IL1RAPL1: variants seen among roughly 807,000 people sequenced by gnomAD.
The protein encoded by IL1RAPL1 is interleukin-1 receptor accessory protein-like 1.
IL1RAPL1 carries 3 observed loss-of-function variants against 48.4 expected under a neutral mutation model. The observed-to-expected ratio is 0.06, with a 90% CI of 0.03 to 0.16. The LOEUF is 0.16. IL1RAPL1 is among the 10% of genes least tolerant of loss of function. IL1RAPL1 has a pLI of 1.00. For synonymous variants in IL1RAPL1, 185 were observed against 187.7 expected, an observed-to-expected ratio of 0.99 and a Z score of 0.12; for missense variants, 349 against 530.6, an observed-to-expected ratio of 0.66 and a Z score of 3.36.
intron 6 of IL1RAPL1, among the ~76,000 whole-genome samples, chrX:29,837,272 AATATAT>A (rs1229668903): frequency 1.2e-4 from 9 of 72,114 alleles, no homozygotes; most frequent in African/African-American, 4.7e-4. Context: ...AAAAAAAAAA[AATATAT>A]ATATATATAT....
rs949422463 is a variant in IL1RAPL1, at chrX:29,258,599, T to G, written c.83-24339T>G. On this transcript the variant is annotated intron_variant, in intron 2 of 10. Coordinates refer to ENST00000378993, the MANE Select transcript of IL1RAPL1 (RefSeq NM_014271.4). ...TAATAAAGCCAAAGTTATTATTTAGTTTTTTTTTTTTAGAAATTAAGTTGC... is the reference window on the plus strand; with the variant it reads ...TAATAAAGCCAAAGTTATTATTTAGGTTTTTTTTTTTAGAAATTAAGTTGC... Among the ~76,000 whole-genome samples the G allele has an allele frequency of 8.7e-5, 9 of 102,945 alleles. No homozygotes were observed. The Admixed American group carries it at 9.4e-4, about 11-fold the overall frequency. The allele number at this position is 102,945 out of a possible 115,157, so 89.4% of individuals were successfully genotyped here.
chrX:28,891,349 C>A (rs1922765861), intron 2 of IL1RAPL1, among the ~76,000 whole-genome samples: 1 of 111,835 alleles, frequency 8.9e-6, no homozygotes, highest in African/African-American at 3.2e-5. Context: ...GCTACTGACC[C>A]ATTTAAATTG....
intron 6 of IL1RAPL1, among the ~76,000 whole-genome samples, chrX:29,671,425 C>A (rs1204285422): frequency 4.5e-5 from 5 of 111,974 alleles, no homozygotes; most frequent in South Asian, 7.4e-4. Context: ...AAACTAAATT[C>A]ATATAAAATA....
chrX:29,006,516 A>G (rs1433919345), intron 2 of IL1RAPL1, among the ~76,000 whole-genome samples: 6 of 96,771 alleles, frequency 6.2e-5, no homozygotes, highest in Non-Finnish European at 1.0e-4. Flanking sequence ...CGCCGTCTGG[A>G]AAAAAAAAAA....
chrX:28,867,951 C>G (rs565107920), intron 2 of IL1RAPL1, among the ~76,000 whole-genome samples: 3 of 111,741 alleles, frequency 2.7e-5, no homozygotes, highest in Admixed American at 9.6e-5. Context: ...AAATCTTACA[C>G]TTGTCAGATA....
chrX:29,257,041 G>A (rs1295766878), intron 2 of IL1RAPL1, among the ~76,000 whole-genome samples: 1 of 111,358 alleles, frequency 9.0e-6, no homozygotes, highest in East Asian at 2.8e-4. Flanking sequence ...TTAATTGGAC[G>A]AAATATGAAA....
intron 6 of IL1RAPL1, among the ~76,000 whole-genome samples, chrX:29,776,816 TACTC>T (rs749978210): frequency 8.9e-6 from 1 of 112,006 alleles, no homozygotes. Flanking sequence ...TGAGACCAAA[TACTC>T]ACATTTTAAA....
chrX:29,778,573 C>T (rs1169740477), intron 6 of IL1RAPL1, among the ~76,000 whole-genome samples: 1 of 112,085 alleles, frequency 8.9e-6, no homozygotes, highest in South Asian at 3.7e-4. Flanking sequence ...CACCCTGTCT[C>T]TTTTTCTTTC....
chrX:29,804,020 T>C (rs1218327988), intron 6 of IL1RAPL1, among the ~76,000 whole-genome samples: 1 of 111,847 alleles, frequency 8.9e-6, no homozygotes, highest in Admixed American at 9.6e-5. Context: ...TTTATATAAA[T>C]CTTTCATTTT....
chrX:29,127,713 A>C (rs767881659), intron 2 of IL1RAPL1, among the ~76,000 whole-genome samples: 2 of 111,798 alleles, frequency 1.8e-5, no homozygotes, highest in Non-Finnish European at 3.8e-5. Context: ...TAATCCCAGC[A>C]CTTTGGGAGT....
At chrX:29,114,637 GTT>G (rs1928640347) in intron 2 of IL1RAPL1, among the ~76,000 whole-genome samples, 1 of 110,202 alleles carries the variant, frequency 9.1e-6, no homozygotes, top group Non-Finnish European at 1.9e-5. Flanking sequence ...TGGTTTGTTT[GTT>G]TTTTTGAGAC....
At chrX:28,789,625 T>C (rs1936512576) in intron 2 of IL1RAPL1, among the ~76,000 whole-genome samples, 200 bp downstream of exon 2, 1 of 112,106 alleles carries the variant, frequency 8.9e-6, no homozygotes, top group Non-Finnish European at 1.9e-5. Context: ...GAATGTGGCT[T>C]ATTTTATCGA....
chrX:29,440,084 T>C (rs1318970738), intron 5 of IL1RAPL1, among the ~76,000 whole-genome samples: 3 of 108,949 alleles, frequency 2.8e-5, no homozygotes, highest in African/African-American at 1.0e-4. Flanking sequence ...AAGACTTTTG[T>C]GAATCAAAAA....
chrX:29,069,633 AC>A, intron 2 of IL1RAPL1, among the ~76,000 whole-genome samples: 1 of 98,437 alleles, frequency 1.0e-5, no homozygotes. Context: ...TATAGAACAC[AC>A]ACACACACAC....
intron 3 of IL1RAPL1, among the ~76,000 whole-genome samples, chrX:29,356,665 C>T (rs1465413465): frequency 4.5e-5 from 5 of 111,194 alleles, no homozygotes; most frequent in Non-Finnish European, 1.9e-5. Context: ...TATTCCCTCT[C>T]CCAATATGGA....
At chrX:29,727,379 C>T (rs767222041) in intron 6 of IL1RAPL1, among the ~76,000 whole-genome samples, 3 of 111,837 alleles carry the variant, frequency 2.7e-5, no homozygotes, top group East Asian at 2.8e-4. Context: ...CTTCCTACTG[C>T]GCTTTATTAA....
At chrX:29,327,961 C>T (rs1237550344) in intron 3 of IL1RAPL1, among the ~76,000 whole-genome samples, 2 of 112,018 alleles carry the variant, frequency 1.8e-5, no homozygotes, top group Non-Finnish European at 3.8e-5. Flanking sequence ...TAGGTTTGAC[C>T]TGCAGTCTGT....
intron 2 of IL1RAPL1, among the ~76,000 whole-genome samples, chrX:29,027,409 TG>T (rs1453138870): frequency 1.8e-5 from 2 of 112,155 alleles, no homozygotes; most frequent in African/African-American, 6.5e-5. Flanking sequence ...TTCCACTTTC[TG>T]GTTGTACCAC....
intron 5 of IL1RAPL1, among the ~76,000 whole-genome samples, chrX:29,435,114 T>A (rs1602233677): frequency 9.0e-6 from 1 of 111,495 alleles, no homozygotes; most frequent in East Asian, 2.8e-4. Flanking sequence ...TCATACGTAC[T>A]GTAGCATTTA....
Sources: allele counts gnomAD v4.1 joint callset (sites outside exome capture counted in the v4.1 genomes callset), GRCh38; gene constraint gnomAD v4.1.1; transcripts MANE v1.5; gene names NCBI Gene and HGNC (gene_info 2026-07-23, HGNC 2026-07-21).